AGMO: variants seen among roughly 807,000 people sequenced by gnomAD.
The protein encoded by AGMO is glyceryl-ether monooxygenase.
AGMO carries 75 observed loss-of-function variants against 60.2 expected under a neutral mutation model. The ratio of observed to expected loss-of-function variants is 1.25; its 90% CI spans 1.03 to 1.51. AGMO has a LOEUF of 1.51. Ranked by LOEUF, AGMO falls within the 40% of genes most tolerant of loss-of-function variation. The probability of loss-of-function intolerance (pLI) is 0.00; values close to 1 mark genes in which losing one functional copy is unlikely to be tolerated. For synonymous variants in AGMO, 261 were observed against 177.1 expected (o/e 1.47, Z -3.76); for missense variants, 763 against 525.5 (o/e 1.45, Z -4.42).
At chr7:15,466,700 T>C (rs1405711456) in intron 3 of AGMO, among the ~76,000 whole-genome samples, 2 of 152,320 alleles carry the variant, frequency 1.3e-5, no homozygotes, top group South Asian at 2.1e-4. Flanking sequence ...GACTAGATTG[T>C]ATATAAATCA....
chr7:15,278,623 T>C (rs1783869392), intron 12 of AGMO, among the ~76,000 whole-genome samples: 2 of 152,088 alleles, frequency 1.3e-5, no homozygotes, highest in African/African-American at 2.4e-5. Context: ...GCTGGAGCAA[T>C]GGAGACTGGC....
At chr7:15,328,104 T>A (rs1366590628) in intron 12 of AGMO, among the ~76,000 whole-genome samples, 3 of 151,290 alleles carry the variant, frequency 2.0e-5, no homozygotes, top group African/African-American at 4.9e-5. Context: ...TTCCTTCTTT[T>A]CTTTTTTATT....
intron 5 of AGMO, among the ~76,000 whole-genome samples, chr7:15,417,408 C>G (rs1780802642): frequency 6.6e-6 from 1 of 152,104 alleles, no homozygotes; most frequent in Non-Finnish European, 1.5e-5. Flanking sequence ...GTTCTGTATC[C>G]AAACTAATAC....
chr7:15,362,719 A>G (rs1171677381), intron 12 of AGMO, among the ~76,000 whole-genome samples: 1 of 152,202 alleles, frequency 6.6e-6, no homozygotes, highest in African/African-American at 2.4e-5. Context: ...TTTTCCTTGG[A>G]TCATAAACCA....
intron 12 of AGMO, among the ~76,000 whole-genome samples, chr7:15,332,937 A>G (rs1278618495): frequency 6.6e-6 from 1 of 152,144 alleles, no homozygotes; most frequent in Non-Finnish European, 1.5e-5. Context: ...TGGGCATATG[A>G]AAGTTAAATG....
intron 12 of AGMO, among the ~76,000 whole-genome samples, chr7:15,209,705 G>A (rs1408183912): frequency 6.6e-6 from 1 of 152,126 alleles, no homozygotes; most frequent in Non-Finnish European, 1.5e-5. Context: ...GCCAGAACTG[G>A]ACCCAAGGGT....
At chr7:15,556,578 C>T (rs761736423) in intron 2 of AGMO, among the ~76,000 whole-genome samples, 62 of 152,020 alleles carry the variant, frequency 4.1e-4, no homozygotes, top group Non-Finnish European at 7.5e-4. Context: ...AAGGAAGTAA[C>T]AAATTGAAGT....
rs71004377 is a variant in AGMO, at chr7:15,375,386, A to ATTTT, written c.1075-9168_1075-9165dup. Among the ~76,000 whole-genome samples, 42 of 109,446 alleles carry ATTTT rather than the reference A, an allele frequency of 3.8e-4. 2 individuals are homozygous for ATTTT. In the South Asian group the frequency reaches 6.2e-3, roughly 16 times the overall value. 71.8% of individuals were successfully genotyped at this position (109,446 alleles called of 152,430 possible). A position where few individuals can be genotyped will look rare whatever the true frequency, so the allele number is the denominator to read the frequency against. Reference sequence around the variant, plus strand: ...CAGATCAGACTTTCTTTCTAAAAGGATTTTTTTTTTTTTTTTTTTTTTTTT... The same window carrying ATTTT: ...CAGATCAGACTTTCTTTCTAAAAGGATTTTTTTTTTTTTTTTTTTTTTTTTTTTT... On this transcript the variant is annotated intron_variant, in intron 10 of 12. Transcript: ENST00000342526.
intron 1 of AGMO, 37 bp downstream of exon 1, chr7:15,561,683 G>T: frequency 6.5e-7 from 1 of 1,534,070 alleles, no homozygotes; most frequent in South Asian, 1.2e-5. Context: ...TAAGAAAGCA[G>T]CAAGAATAAG....
rs1332446061 is a variant in AGMO, at chr7:15,521,021, C to T, written c.409+23751G>A. Among the ~76,000 whole-genome samples, 4 of 152,248 alleles carry T rather than the reference C, an allele frequency of 2.6e-5. No individual in the cohort carries two copies. The East Asian group carries it at 7.7e-4, about 29-fold the overall frequency. On this transcript the variant is annotated intron_variant, in intron 3 of 12. Transcript: ENST00000342526. ...AAAAATGATAAAGGGGTTATCACCACTGATCCCACAGAAATACAAACTACC... is the reference window on the plus strand; with the variant it reads ...AAAAATGATAAAGGGGTTATCACCATTGATCCCACAGAAATACAAACTACC...
chr7:15,240,791 C>T (rs1300080421), intron 12 of AGMO, among the ~76,000 whole-genome samples: 1 of 152,034 alleles, frequency 6.6e-6, no homozygotes, highest in Non-Finnish European at 1.5e-5. Context: ...GCAATATGCT[C>T]AGATCCGTAT....
rs369692909 is a variant in AGMO at position 15,486,053 on chromosome 7, G to A, written c.410-54945C>T. On this transcript the variant is annotated intron_variant, in intron 3 of 12. Coordinates refer to ENST00000342526, the MANE Select transcript of AGMO (RefSeq NM_001004320.2). ...TCAGAACGATTAGAATAGTGTGATTGCAAAGCACTGCTTTTTCCACTGCAG... is the reference window on the plus strand; with the variant it reads ...TCAGAACGATTAGAATAGTGTGATTACAAAGCACTGCTTTTTCCACTGCAG... Among the ~76,000 whole-genome samples the A allele has an allele frequency of 1.8e-3, 273 of 152,252 alleles. 2 individuals are homozygous for A. The highest frequency in any genetic ancestry group is 3.4e-3 in the Non-Finnish European group (230 of 68,008).
At chr7:15,145,760 T>A in the AGMO span, among the ~76,000 whole-genome samples, 1 of 152,180 alleles carries the variant, frequency 6.6e-6, no homozygotes, top group Non-Finnish European at 1.5e-5. Context: ...TTGAGGATAT[T>A]CTGTAACAGA....
chr7:15,299,913 T>G (rs1314271936), intron 12 of AGMO, among the ~76,000 whole-genome samples: 1 of 150,796 alleles, frequency 6.6e-6, no homozygotes, highest in Non-Finnish European at 1.5e-5. Context: ...AACATATCCT[T>G]TCCTCTTACT....
At chr7:15,125,314 G>A in the AGMO span, among the ~76,000 whole-genome samples, 1 of 152,024 alleles carries the variant, frequency 6.6e-6, no homozygotes, top group African/African-American at 2.4e-5. Context: ...CCTCTTCTGT[G>A]CCCTACTCAC....
rs73679480 is a variant in AGMO, at chr7:15,351,995, C to T, written c.1263+13519G>A. On this transcript the variant is annotated intron_variant, in intron 12 of 12. Coordinates refer to ENST00000342526, the MANE Select transcript of AGMO (RefSeq NM_001004320.2). The stretch of plus-strand genomic sequence containing the variant: ...TACATTAGAATCTGCAAATAAATAG[C>T]TTGTTAATTCACATTATCTTCAGAA... Among the ~76,000 whole-genome samples the T allele has an allele frequency of 4.4e-3, 663 of 152,268 alleles. 3 individuals are homozygous for T. The highest frequency in any genetic ancestry group is 0.015 in the African/African-American group (629 of 41,556).
At chr7:15,506,449 C>T (rs1783514317) in intron 3 of AGMO, among the ~76,000 whole-genome samples, 1 of 151,944 alleles carries the variant, frequency 6.6e-6, no homozygotes, top group Non-Finnish European at 1.5e-5. Context: ...TACTAACATT[C>T]GTTTGTCTTT....
chr7:15,228,856 A>T (rs1782166700), intron 12 of AGMO, among the ~76,000 whole-genome samples: 1 of 152,150 alleles, frequency 6.6e-6, no homozygotes, highest in South Asian at 2.1e-4. Context: ...TTTAAGGGAC[A>T]AGAATAAGTA....
intron 12 of AGMO, among the ~76,000 whole-genome samples, chr7:15,321,700 T>G (rs1324978295): frequency 6.6e-6 from 1 of 152,048 alleles, no homozygotes; most frequent in Non-Finnish European, 1.5e-5. Flanking sequence ...AAAAATCAAA[T>G]TTAAATTTTA....
Sources: allele counts gnomAD v4.1 joint callset (sites outside exome capture counted in the v4.1 genomes callset), GRCh38; gene constraint gnomAD v4.1.1; transcripts MANE v1.5; gene names NCBI Gene and HGNC (gene_info 2026-07-23, HGNC 2026-07-21).